Variants in INTS13 observed in about 807,000 individuals in gnomAD.
INTS13 encodes the protein integrator complex subunit 13, also known as asunder, spermatogenesis regulator homolog (Drosphila).
INTS13 carries 35 observed loss-of-function variants against 90.2 expected under a neutral mutation model. The ratio of observed to expected loss-of-function variants is 0.39; its 90% CI spans 0.30 to 0.51. The LOEUF (loss-of-function observed/expected upper bound fraction) is 0.51. INTS13 is among the 20% of genes least tolerant of loss of function. INTS13 has a pLI of 0.80. For synonymous variants in INTS13, 309 were observed against 277.1 expected, an observed-to-expected ratio of 1.11 and a Z score of -1.14; for missense variants, 601 against 851.2, an observed-to-expected ratio of 0.71 and a Z score of 3.66.
At position 26,928,596 on chromosome 12, in the gene INTS13, T is replaced by C. The variant is rs1938015561; in HGVS notation, c.503+107A>G. 9 of 1,116,556 alleles carry C rather than the reference T, an allele frequency of 8.1e-6. No homozygotes were observed. The South Asian group carries it at 1.4e-4, about 17-fold the overall frequency. 69.2% of individuals were successfully genotyped at this position (1,116,556 alleles called of 1,614,324 possible). On this transcript the variant is annotated intron_variant, in intron 4 of 16. Transcript: ENST00000261191. ...AAAAAATCAGAAAGGCCACTTGTAA[T>C]ATGCTTAAACGTAAACATGTAAACA... is the stretch of plus-strand genomic sequence containing the variant.
intron 8 of INTS13, 83 bp from the exon 9 acceptor site, chr12:26,917,816 G>A: frequency 4.0e-6 from 2 of 502,784 alleles, no homozygotes; most frequent in Non-Finnish European, 7.8e-6. Context: ...GTACAATTAT[G>A]TTTTAATTTA....
chr12:26,914,792 T>C (rs1405263926), intron 11 of INTS13, among the ~76,000 whole-genome samples: 1 of 152,198 alleles, frequency 6.6e-6, no homozygotes, highest in Non-Finnish European at 1.5e-5. Flanking sequence ...GCCTCAAACA[T>C]AAATGCATTC....
Position 26,905,478 on chromosome 12 carries a change from T to C in INTS13, c.*19A>G, listed in dbSNP as rs1210022824. ...AAATATTTTTGCAATATGCTAAATTTAGTTCTTCAAGTCACTCTTCACTGC... is the reference window on the plus strand; with the variant it reads ...AAATATTTTTGCAATATGCTAAATTCAGTTCTTCAAGTCACTCTTCACTGC... On this transcript the variant is annotated 3_prime_UTR_variant, in exon 17 of 17. Coordinates refer to ENST00000261191, the MANE Select transcript of INTS13 (RefSeq NM_018164.3). The C allele has an allele frequency of 3.1e-6, 5 of 1,608,108 alleles. No homozygotes were observed. The highest frequency in any genetic ancestry group is 4.2e-6 in the Non-Finnish European group (5 of 1,177,458).
intron 3 of INTS13, among the ~76,000 whole-genome samples, chr12:26,932,427 A>C (rs1938244997): frequency 6.6e-6 from 1 of 152,202 alleles, no homozygotes; most frequent in South Asian, 2.1e-4. Context: ...TGACTCCCAG[A>C]TCTTACTTAC....
chr12:26,927,350 A>G (rs1290840136), intron 5 of INTS13, among the ~76,000 whole-genome samples: 2 of 152,224 alleles, frequency 1.3e-5, no homozygotes, highest in African/African-American at 4.8e-5. Context: ...TATTAACTCC[A>G]AGGATTGTCA....
intron 2 of INTS13, among the ~76,000 whole-genome samples, 180 bp downstream of exon 2, chr12:26,936,399 G>C (rs1243907744): frequency 6.6e-6 from 1 of 152,166 alleles, no homozygotes; most frequent in Admixed American, 6.5e-5. Flanking sequence ...ATTGTTAGCT[G>C]TTATTATTAC....
At chr12:26,930,804 G>C (rs1199000438) in intron 3 of INTS13, among the ~76,000 whole-genome samples, 1 of 152,106 alleles carries the variant, frequency 6.6e-6, no homozygotes, top group Admixed American at 6.5e-5. Flanking sequence ...TACACTACTA[G>C]AAAGCCTTCA....
At chr12:26,909,131 C>T (rs929589976) in intron 15 of INTS13, among the ~76,000 whole-genome samples, 1 of 152,198 alleles carries the variant, frequency 6.6e-6, no homozygotes, top group Non-Finnish European at 1.5e-5. Context: ...GAGGCTAAGG[C>T]AGGCGAATCA....
intron 8 of INTS13, among the ~76,000 whole-genome samples, chr12:26,922,365 A>T (rs1291904921): frequency 4.6e-5 from 7 of 152,228 alleles, no homozygotes; most frequent in Non-Finnish European, 4.4e-5. Flanking sequence ...TCATTATAAT[A>T]TATTGTTATA....
In INTS13 at chr12:26,914,500, C is replaced by G; in HGVS notation, c.1327G>C (p.Val443Leu). 1 of 1,613,884 alleles carries G rather than the reference C, an allele frequency of 6.2e-7. No individual in the cohort carries two copies. Among genetic ancestry groups the G allele is most frequent in the South Asian group, 1.1e-5 (1 of 91,078 alleles). The part of the protein sequence containing the change: ...PRYKIDGSLE[V>L]PLERAKDQLE... ...TGATCTTTTGCTCGTTCCAAAGGGA[C>G]CTCAAGACTTCCATCGATTTTATAT... Residue 443 changes from valine (V) to leucine (L), a missense_variant, in exon 12 of 17, where the codon GTC becomes CTC. Val to Leu is a conservative substitution (Grantham distance 32). Transcript: ENST00000261191.
rs747309690 is a variant in INTS13 at position 26,914,049 on chromosome 12, T to C, written c.1499A>G (p.Asn500Ser). 4 of 1,611,462 alleles carry C rather than the reference T, an allele frequency of 2.5e-6. No homozygotes were observed. The highest frequency in any genetic ancestry group is 2.2e-5 in the East Asian group (1 of 44,672). The change falls in exon 13 of 17, where the codon AAC becomes AGC. Residue 500 changes from asparagine to serine, a missense_variant. Physicochemically the swap from Asn to Ser is conservative, Grantham distance 46. Transcript: ENST00000261191. Reference protein sequence around the residue: ...DVLNCQKTIYNLVDMERKNDP... With the variant: ...DVLNCQKTIYSLVDMERKNDP... ...ATTTTTTCTTTCCATATCAACTAAG[T>C]TGTATATTGTTTTTTGACAGTTTAA...
Position 26,924,495 on chromosome 12 carries a change from CAT to C in INTS13, c.676-14_676-13del. The C allele has an allele frequency of 1.3e-6, 2 of 1,591,342 alleles. No individual in the cohort carries two copies. The highest frequency in any genetic ancestry group is 1.7e-6 in the Non-Finnish European group (2 of 1,168,520). ...AAAACCGGGGACAACTACAGAAAAACATACAAGAAAAATAATCCACAAAATAT... is the reference window on the plus strand; with the variant it reads ...AAAACCGGGGACAACTACAGAAAAACACAAGAAAAATAATCCACAAAATAT... On this transcript the variant is annotated splice_polypyrimidine_tract_variant and intron_variant, in intron 6 of 16. Coordinates refer to ENST00000261191, the MANE Select transcript of INTS13 (RefSeq NM_018164.3).
Position 26,911,216 on chromosome 12 carries a change from A to T in INTS13, c.1907T>A (p.Val636Asp). ...CACTTGTGGAGTTTCATCCATTTCA[A>T]CAAGGGGTTTTTTGTTTGGAGGTTC... The part of the protein sequence containing the change: ...SPEPPNKKPL[V>D]EMDETPQVEK... The change falls in exon 15 of 17, where the codon GTT (valine) becomes GAT (aspartate). Residue 636 changes from valine (V) to aspartate (D), a missense_variant. Val to Asp is a radical substitution (Grantham distance 152, BLOSUM62 -3). Around this residue, in one of 3 missense-constraint regions of INTS13, gnomAD observed 228 missense variants for 272.5 expected, o/e 0.84. Coordinates refer to ENST00000261191, the MANE Select transcript of INTS13 (RefSeq NM_018164.3). 1.2e-6 allele frequency: 2 copies of T among 1,613,882 alleles called. No individual in the cohort carries two copies. Among genetic ancestry groups the T allele is most frequent in the Non-Finnish European group, 1.7e-6 (2 of 1,179,922 alleles).
intron 15 of INTS13, among the ~76,000 whole-genome samples, chr12:26,909,471 TC>T (rs758616903): frequency 2.4e-5 from 3 of 125,910 alleles, no homozygotes; most frequent in African/African-American, 6.2e-5. Context: ...TAGATAATAC[TC>T]TTTTTTTTTT....
At chr12:26,935,189 C>T (rs563956136) in intron 2 of INTS13, among the ~76,000 whole-genome samples, 3 of 151,938 alleles carry the variant, frequency 2.0e-5, no homozygotes, top group Non-Finnish European at 4.4e-5. Context: ...TATAGGGCAC[C>T]GAAAGCCAAA....
At chr12:26,928,369 T>C (rs1938002284) in intron 4 of INTS13, 84 bp from the exon 5 acceptor site, 6 of 1,080,224 alleles carry the variant, frequency 5.6e-6, no homozygotes, top group Non-Finnish European at 8.4e-6. Flanking sequence ...TTTAATATGG[T>C]GTTATAGACA....
At position 26,913,648 on chromosome 12, in the gene INTS13, G is replaced by C. The variant is rs377055805; in HGVS notation, c.1614C>G (p.Thr538=). The C allele has an allele frequency of 1.2e-6, 2 of 1,613,780 alleles. No individual in the cohort carries two copies. The highest frequency in any genetic ancestry group is 1.3e-5 in the African/African-American group (1 of 74,878). Residue 538 remains threonine (T), a synonymous_variant, in exon 14 of 17, where the codon ACC becomes ACG. Coordinates refer to ENST00000261191, the MANE Select transcript of INTS13 (RefSeq NM_018164.3). ...AGTTGTTGATATGGGCTCTGACAAG[G>C]GTTTCTAATTCATTCCACATGATAC... ...QYRIMWNELE[T]LVRAHINNSE... is the part of the protein sequence containing the mutation.
chr12:26,919,624 CAA>C (rs1952048449), intron 8 of INTS13, among the ~76,000 whole-genome samples: 1 of 151,898 alleles, frequency 6.6e-6, no homozygotes, highest in East Asian at 1.9e-4. Flanking sequence ...AATTAGTAGA[CAA>C]AATCAAGAAA....
Position 26,913,461 on chromosome 12 carries a change from C to CT in INTS13, c.1800dup (p.Glu601ArgfsTer16). 6.2e-7 allele frequency: 1 copy of CT among 1,613,790 alleles called. No individual in the cohort carries two copies. Among genetic ancestry groups the CT allele is most frequent in the Non-Finnish European group, 8.5e-7 (1 of 1,179,740 alleles). On this transcript the variant is annotated frameshift_variant, in exon 14 of 17. Coordinates refer to ENST00000261191, the MANE Select transcript of INTS13 (RefSeq NM_018164.3). LOFTEE classifies it high-confidence loss of function. ...ATATCAATGCCAGGAAGTCACCTCTCTGAGTCTTGCCAAGACTTTTCCTGT... is the reference window on the plus strand; with the variant it reads ...ATATCAATGCCAGGAAGTCACCTCTCTTGAGTCTTGCCAAGACTTTTCCTGT...
Sources: allele counts gnomAD v4.1 joint callset (sites outside exome capture counted in the v4.1 genomes callset), GRCh38; gene constraint gnomAD v4.1.1; regional missense constraint gnomAD v4.1.1; transcripts MANE v1.5; gene names NCBI Gene and HGNC (gene_info 2026-07-23, HGNC 2026-07-21).